Variants in PCDH15 observed in about 807,000 individuals in gnomAD.
PCDH15 encodes the protein protocadherin-15.
Under a neutral mutation model 178.5 loss-of-function variants are expected in PCDH15, and 129 were observed. The observed-to-expected ratio is 0.72, with a 90% CI of 0.63 to 0.84. The LOEUF (loss-of-function observed/expected upper bound fraction) is 0.84, where lower values mean the gene tolerates loss of function less well. Ranked by LOEUF, PCDH15 falls within the 40% of genes least tolerant of loss-of-function variation. PCDH15 has a pLI of 0.00. For missense variants in PCDH15, 2,230 were observed against 2,099.9 expected (o/e 1.06, Z -1.21); for synonymous variants, 800 against 732.0 (o/e 1.09, Z -1.50).
chr10:54,373,025 A>C (rs1433068193), intron 4 of PCDH15, among the ~76,000 whole-genome samples: 2 of 151,922 alleles, frequency 1.3e-5, no homozygotes, highest in African/African-American at 4.8e-5. Context: ...AAAGAAAAAA[A>C]TATAAAATAG....
intron 3 of PCDH15, among the ~76,000 whole-genome samples, chr10:54,894,163 G>A (rs530983038): frequency 2.0e-5 from 3 of 152,036 alleles, no homozygotes; most frequent in Admixed American, 6.6e-5. Flanking sequence ...CCAGAAACTT[G>A]TCATCTAGCT....
In PCDH15 at chr10:55,464,679, C is replaced by G. The variant is rs12780069; in HGVS notation, c.-156+162946G>C. Among the ~76,000 whole-genome samples the G allele has an allele frequency of 2.7e-4, 37 of 138,436 alleles. 1 individual carries two copies. Among genetic ancestry groups the G allele is most frequent in the African/African-American group, 9.2e-4 (36 of 39,130 alleles). The allele number at this position is 138,436 out of a possible 152,430, so 90.8% of individuals were successfully genotyped here. ...ATGTGTGTGTGTGTGTATATATATA[C>G]ATATGTATATATATGTATGTGTATA... On this transcript the variant is annotated intron_variant, in intron 2 of 5. Transcript: ENST00000613346.
intron 3 of PCDH15, among the ~76,000 whole-genome samples, chr10:54,467,351 T>A (rs967172698): frequency 1.3e-5 from 2 of 151,784 alleles, no homozygotes; most frequent in Non-Finnish European, 2.9e-5. Flanking sequence ...ATTTGTTGAG[T>A]TTTTATCTTA....
chr10:55,378,037 T>A lies in PCDH15; in HGVS notation c.-155-211386A>T, dbSNP rs147265871. Among the ~76,000 whole-genome samples, 1,059 of 152,036 alleles carry A rather than the reference T, an allele frequency of 7.0e-3. 17 individuals are homozygous for A. Among genetic ancestry groups the A allele is most frequent in the East Asian group, 0.023 (121 of 5,150 alleles). ...ACACATGGACACAGGGAGGGGAACATCACACACCAGGGCCTGTTGAGGGTT... is the reference window on the plus strand; with the variant it reads ...ACACATGGACACAGGGAGGGGAACAACACACACCAGGGCCTGTTGAGGGTT... On this transcript the variant is annotated intron_variant, in intron 2 of 5. Transcript: ENST00000613346.
At chr10:55,129,505 A>T (rs912936493) in intron 2 of PCDH15, among the ~76,000 whole-genome samples, 1 of 152,230 alleles carries the variant, frequency 6.6e-6, no homozygotes, top group African/African-American at 2.4e-5. Flanking sequence ...GCAAATTAAC[A>T]AAGCTTCGAA....
intron 2 of PCDH15, among the ~76,000 whole-genome samples, chr10:55,098,820 T>TTCTCTCTCTC (rs531394037): frequency 6.7e-6 from 1 of 148,524 alleles, no homozygotes; most frequent in African/African-American, 2.5e-5. Context: ...CTCTCTCTCT[T>TTCTCTCTCTC]TCTCTCTCTC....
intron 2 of PCDH15, among the ~76,000 whole-genome samples, chr10:55,487,238 T>C (rs191503851): frequency 1.1e-4 from 16 of 151,802 alleles, no homozygotes; most frequent in Admixed American, 2.0e-4. Flanking sequence ...ATTCAGAGCA[T>C]TGAAACTTAG....
intron 8 of PCDH15, among the ~76,000 whole-genome samples, chr10:54,316,575 C>A (rs1387226790): frequency 3.6e-4 from 16 of 44,056 alleles, no homozygotes; most frequent in African/African-American, 1.0e-3. Flanking sequence ...CACACACACA[C>A]AAATACACCT....
At chr10:54,868,450 C>G (rs1953976831) in intron 3 of PCDH15, among the ~76,000 whole-genome samples, 1 of 152,058 alleles carries the variant, frequency 6.6e-6, no homozygotes, top group Admixed American at 6.6e-5. Context: ...TTCCTCCTCC[C>G]TCACCCTCAC....
At chr10:54,900,258 C>T (rs966946210) in intron 2 of PCDH15, among the ~76,000 whole-genome samples, 9 of 151,876 alleles carry the variant, frequency 5.9e-5, no homozygotes, top group Non-Finnish European at 1.2e-4. Context: ...ATGTGCAACA[C>T]AAATAAAACA....
chr10:55,227,928 C>T (rs1055749753), intron 1 of PCDH15, among the ~76,000 whole-genome samples: 28 of 151,810 alleles, frequency 1.8e-4, no homozygotes, highest in African/African-American at 6.8e-4. Context: ...GATTTGACAG[C>T]CCCCCCATCC....
chr10:55,589,887 T>C (rs1159969238), intron 2 of PCDH15, among the ~76,000 whole-genome samples: 1 of 149,472 alleles, frequency 6.7e-6, no homozygotes, highest in Admixed American at 6.7e-5. Context: ...AGTTCAACCA[T>C]TGTGGAAGTC....
rs539643893 is a variant in PCDH15, at chr10:55,483,480, G to A, written c.-156+144145C>T. Among the ~76,000 whole-genome samples, 4 of 151,898 alleles carry A rather than the reference G, an allele frequency of 2.6e-5. No individual in the cohort carries two copies. The East Asian group carries it at 5.8e-4, about 22-fold the overall frequency. ...ATAAAAAAATAACAGATGCTAGTGA[G>A]ATTGTGGAGAAAAAGGAATACACAA... is the stretch of plus-strand genomic sequence containing the variant. On this transcript the variant is annotated intron_variant, in intron 2 of 5. Coordinates refer to the PCDH15 transcript ENST00000613346.
chr10:54,982,014 CA>C (rs1839245959), intron 2 of PCDH15, among the ~76,000 whole-genome samples: 1 of 151,836 alleles, frequency 6.6e-6, no homozygotes, highest in Non-Finnish European at 1.5e-5. Flanking sequence ...AAGTAATCCT[CA>C]TGTCTTAGCC....
chr10:54,116,993 G>C (rs1371912053), intron 15 of PCDH15, among the ~76,000 whole-genome samples: 1 of 152,158 alleles, frequency 6.6e-6, no homozygotes, highest in Non-Finnish European at 1.5e-5. Flanking sequence ...TGAAGTACAA[G>C]TATCACAGGA....
intron 3 of PCDH15, among the ~76,000 whole-genome samples, chr10:54,433,690 A>G (rs1367021199): frequency 6.6e-6 from 1 of 152,146 alleles, no homozygotes; most frequent in Non-Finnish European, 1.5e-5. Context: ...AATAACTAAA[A>G]AAGTGTATTG....
intron 27 of PCDH15, among the ~76,000 whole-genome samples, chr10:53,859,575 T>C (rs894509662): frequency 3.9e-5 from 6 of 152,084 alleles, no homozygotes; most frequent in African/African-American, 1.4e-4. Context: ...CACTGTCTCT[T>C]ATTTCCCTAC....
intron 1 of PCDH15, among the ~76,000 whole-genome samples, chr10:55,174,365 C>A (rs1408092225): frequency 6.6e-6 from 1 of 152,106 alleles, no homozygotes; most frequent in Non-Finnish European, 1.5e-5. Context: ...AGAGTGAGAA[C>A]TTCTATCCTC....
chr10:53,920,185 A>G (rs1394970970), intron 25 of PCDH15, among the ~76,000 whole-genome samples: 1 of 152,134 alleles, frequency 6.6e-6, no homozygotes, highest in Non-Finnish European at 1.5e-5. Context: ...CTGCTTTCTC[A>G]TGTATAAACT....
Sources: gnomAD v4.1 joint callset for allele counts (sites outside exome capture counted in the v4.1 genomes callset) on GRCh38, gnomAD v4.1.1 for gene constraint, MANE v1.5 for transcripts, NCBI Gene and HGNC (gene_info 2026-07-23, HGNC 2026-07-21) for gene names.